The following ZIM2 variants were observed in gnomAD, a reference collection of about 807,000 sequenced individuals.
ZIM2 encodes zinc finger protein 656.
ZIM2 carries 14 observed loss-of-function variants against 38.6 expected under a neutral mutation model. The ratio of observed to expected loss-of-function variants is 0.36; its 90% CI spans 0.24 to 0.57. The LOEUF (loss-of-function observed/expected upper bound fraction) is 0.57, where lower values mean the gene tolerates loss of function less well. ZIM2 is among the 20% of genes least tolerant of loss of function. The probability of loss-of-function intolerance (pLI) is 0.81; values close to 1 mark genes in which losing one functional copy is unlikely to be tolerated. For synonymous variants in ZIM2, 247 were observed against 245.8 expected (o/e 1.00, Z -0.04); for missense variants, 680 against 695.1 (o/e 0.98, Z 0.24).
intron 9 of ZIM2, among the ~76,000 whole-genome samples, chr19:56,802,433 A>T (rs774861624): frequency 2.6e-5 from 4 of 152,302 alleles, no homozygotes; most frequent in East Asian, 1.9e-4. Flanking sequence ...AAGCTTAGAA[A>T]ACAGGGACTT....
chr19:56,797,384 A>T (rs1200876757), intron 9 of ZIM2, among the ~76,000 whole-genome samples: 1 of 152,202 alleles, frequency 6.6e-6, no homozygotes, highest in African/African-American at 2.4e-5. Context: ...ATTTATTATT[A>T]TATTGATTTA....
At chr19:56,777,769 A>G (rs144342355) in intron 12 of ZIM2, among the ~76,000 whole-genome samples, 5 of 152,328 alleles carry the variant, frequency 3.3e-5, no homozygotes, top group East Asian at 1.9e-4. Context: ...TAAAATATCA[A>G]TAACACTACT....
chr19:56,815,889 T>C, intron 9 of ZIM2: 1 of 1,613,278 alleles, frequency 6.2e-7, no homozygotes, highest in South Asian at 1.1e-5. Flanking sequence ...ATTCCACCAA[T>C]TCATTTCCAT....
Position 56,814,733 on chromosome 19 carries a change from T to C in ZIM2, c.490+3013A>G, listed in dbSNP as rs776079140. ...CTCATATGCTCATTAAGGGCAGAGC[T>C]ATGAATGAAGCCTTGTCCACACAAA... is the stretch of plus-strand genomic sequence containing the variant. On this transcript the variant is annotated intron_variant, in intron 9 of 12. Transcript: ENST00000629319. This position sits in a 1 kb window ranked among gnomAD's most constrained non-coding sequence, Gnocchi z 5.8. 1 of 1,614,136 alleles carries C rather than the reference T, an allele frequency of 6.2e-7. No homozygotes were observed. The highest frequency in any genetic ancestry group is 1.1e-5 in the South Asian group (1 of 91,078).
intron 7 of ZIM2, 76 bp downstream of exon 7, chr19:56,821,575 C>T (rs770355537): frequency 1.3e-6 from 2 of 1,568,126 alleles, no homozygotes; most frequent in Non-Finnish European, 8.7e-7. Context: ...GATAAACACA[C>T]CATCTGGGGA....
At chr19:56,816,057 C>A in intron 9 of ZIM2, 1 of 1,597,270 alleles carries the variant, frequency 6.3e-7, no homozygotes, top group Non-Finnish European at 8.5e-7. Flanking sequence ...GTTTACTGGG[C>A]CCTGCTACAC....
chr19:56,836,730 A>G (rs1029562169), intron 1 of ZIM2, among the ~76,000 whole-genome samples: 3 of 152,312 alleles, frequency 2.0e-5, no homozygotes, highest in African/African-American at 7.2e-5. Flanking sequence ...GCACTTTGGG[A>G]GGCCAAGGCG....
chr19:56,822,161 C>T (rs1190725352), intron 6 of ZIM2, among the ~76,000 whole-genome samples: 1 of 152,186 alleles, frequency 6.6e-6, no homozygotes, highest in Non-Finnish European at 1.5e-5. Flanking sequence ...TGTTGTGAAC[C>T]GTCACTAAAT....
chr19:56,814,193 C>G lies in ZIM2; in HGVS notation c.490+3553G>C, dbSNP rs1600887206. On this transcript the variant is annotated intron_variant, in intron 9 of 12. Coordinates refer to ENST00000629319, the MANE Select transcript of ZIM2 (RefSeq NM_001387356.1). The surrounding 1 kb of genome is among the most constrained non-coding windows in gnomAD (Gnocchi z 5.8). ...GGCCCTTCAGCCTCTCCGTTTGGCT[C>G]AGCAGCCTCCACTTCTGGCTCAGCA... The G allele has an allele frequency of 1.2e-6, 2 of 1,611,720 alleles. No homozygotes were observed. Among genetic ancestry groups the G allele is most frequent in the Non-Finnish European group, 1.7e-6 (2 of 1,178,390 alleles).
chr19:56,780,692 TCTAA>T (rs1315605259), intron 11 of ZIM2, among the ~76,000 whole-genome samples: 3 of 152,202 alleles, frequency 2.0e-5, no homozygotes, highest in Admixed American at 2.0e-4. Context: ...CTGTTGCCTA[TCTAA>T]CATTCAGGGT....
At chr19:56,787,369 A>G (rs976822225) in intron 10 of ZIM2, among the ~76,000 whole-genome samples, 1 of 151,514 alleles carries the variant, frequency 6.6e-6, no homozygotes, top group Non-Finnish European at 1.5e-5. Context: ...TCTGCCTCCC[A>G]GGTTCAAGTG....
At chr19:56,822,131 G>A (rs926843281) in intron 6 of ZIM2, among the ~76,000 whole-genome samples, 7 of 152,208 alleles carry the variant, frequency 4.6e-5, no homozygotes, top group African/African-American at 1.2e-4. Flanking sequence ...CAGGGTCATG[G>A]CTCTGAACAA....
intron 10 of ZIM2, among the ~76,000 whole-genome samples, chr19:56,784,929 C>T (rs900251057): frequency 6.6e-5 from 10 of 152,224 alleles, no homozygotes; most frequent in Admixed American, 5.9e-4. Context: ...CTTTCTAAAA[C>T]TTTTTATGCA....
intron 1 of ZIM2, among the ~76,000 whole-genome samples, chr19:56,838,538 T>G (rs1039607038): frequency 6.6e-5 from 10 of 151,954 alleles, no homozygotes; most frequent in Admixed American, 6.5e-4. Context: ...ATACACAAGA[T>G]GGAACCACAC....
intron 2 of ZIM2, among the ~76,000 whole-genome samples, chr19:56,831,273 C>A (rs1827086040): frequency 6.6e-6 from 1 of 152,160 alleles, no homozygotes; most frequent in African/African-American, 2.4e-5. Context: ...GTGTAAAAGT[C>A]TATAGACACA....
chr19:56,816,207 C>T, intron 9 of ZIM2: 3 of 1,614,114 alleles, frequency 1.9e-6, no homozygotes, highest in Non-Finnish European at 2.5e-6. Flanking sequence ...CCTTTTCGTC[C>T]TCATCACTTT....
At chr19:56,784,820 T>C (rs2046512699) in intron 10 of ZIM2, among the ~76,000 whole-genome samples, 2 of 152,106 alleles carry the variant, frequency 1.3e-5, no homozygotes, top group South Asian at 4.1e-4. Flanking sequence ...ACACATAAGA[T>C]CCCTTGATAC....
In ZIM2 at chr19:56,810,603, T is replaced by G. The variant is rs574387708; in HGVS notation, c.490+7143A>C. 28 of 932,656 alleles carry G rather than the reference T, an allele frequency of 3.0e-5. No homozygotes were observed. The South Asian group carries it at 1.1e-3, about 36-fold the overall frequency. The allele number at this position is 932,656 out of a possible 1,614,324, so 57.8% of individuals were successfully genotyped here. On this transcript the variant is annotated intron_variant, in intron 9 of 12. Coordinates refer to ENST00000629319, the MANE Select transcript of ZIM2 (RefSeq NM_001387356.1). ...TGTAATGGAAAATACATACATAAAATTTATTACCAAAACACCAAAGATTAT... is the reference window on the plus strand; with the variant it reads ...TGTAATGGAAAATACATACATAAAAGTTATTACCAAAACACCAAAGATTAT...
At chr19:56,796,232 A>G (rs1395351614) in intron 9 of ZIM2, among the ~76,000 whole-genome samples, 1 of 152,210 alleles carries the variant, frequency 6.6e-6, no homozygotes, top group African/African-American at 2.4e-5. Flanking sequence ...GTATTTGCAT[A>G]TAATCTATGC....
Sources: allele counts gnomAD v4.1 joint callset (sites outside exome capture counted in the v4.1 genomes callset), GRCh38; gene constraint gnomAD v4.1.1; non-coding constraint Gnocchi (gnomAD v3.1); transcripts MANE v1.5; gene names NCBI Gene and HGNC (gene_info 2026-07-23, HGNC 2026-07-21).